ZSWIM7: variants seen among roughly 807,000 people sequenced by gnomAD.
ZSWIM7 encodes the protein zinc finger SWIM-type containing 7, also known as zinc finger SWIM domain-containing protein 7.
In ZSWIM7, 22 loss-of-function variants were observed where a neutral mutation model predicts 21.1. The ratio of observed to expected loss-of-function variants is 1.04; its 90% CI spans 0.74 to 1.49. ZSWIM7 has a LOEUF of 1.49. ZSWIM7 is among the 40% of genes most tolerant of loss of function. The pLI is 0.00. For synonymous variants in ZSWIM7, 67 were observed against 66.5 expected (o/e 1.01, Z -0.04); for missense variants, 193 against 168.0 (o/e 1.15, Z -0.82).
intron 4 of ZSWIM7, among the ~76,000 whole-genome samples, chr17:15,979,799 C>CA (rs1970330358): frequency 8.8e-6 from 1 of 113,890 alleles, no homozygotes; most frequent in African/African-American, 3.5e-5. Context: ...GGGGGGCTGA[C>CA]CCCCCCACCT....
chr17:15,985,000 T>C (rs1188861987), intron 3 of ZSWIM7, among the ~76,000 whole-genome samples: 1 of 151,906 alleles, frequency 6.6e-6, no homozygotes, highest in African/African-American at 2.4e-5. Flanking sequence ...CCTTATTAAG[T>C]GAATCAAAAA....
intron 3 of ZSWIM7, among the ~76,000 whole-genome samples, chr17:15,982,386 A>G (rs545532338): frequency 3.3e-5 from 5 of 152,342 alleles, no homozygotes; most frequent in Admixed American, 1.3e-4. Context: ...ATGAACTGCC[A>G]CTTAGGAATT....
intron 3 of ZSWIM7, among the ~76,000 whole-genome samples, chr17:15,982,182 A>C (rs551041019): frequency 6.6e-6 from 1 of 152,296 alleles, no homozygotes; most frequent in South Asian, 2.1e-4. Context: ...GGAGAGGTAC[A>C]GGAGAAACAA....
chr17:15,987,121 C>T (rs1010582648), intron 3 of ZSWIM7, 145 bp downstream of exon 3: 1 of 559,470 alleles, frequency 1.8e-6, no homozygotes, highest in Non-Finnish European at 3.0e-6. Context: ...AAAAAATTAT[C>T]AATTCGTTAA....
chr17:15,997,582 G>A (rs1970571895), intron 1 of ZSWIM7, among the ~76,000 whole-genome samples: 1 of 152,148 alleles, frequency 6.6e-6, no homozygotes, highest in Non-Finnish European at 1.5e-5. Context: ...ATAAAACTTG[G>A]AATCTTGATC....
chr17:15,979,295 A>G (rs1415279848), intron 4 of ZSWIM7, among the ~76,000 whole-genome samples: 1 of 151,946 alleles, frequency 6.6e-6, no homozygotes, highest in Non-Finnish European at 1.5e-5. Context: ...CAGAGAGCAC[A>G]GGGTTGGGGG....
chr17:15,989,321 A>T (rs1970453353), intron 2 of ZSWIM7, among the ~76,000 whole-genome samples: 2 of 146,076 alleles, frequency 1.4e-5, no homozygotes, highest in African/African-American at 2.5e-5. Flanking sequence ...TAAAAGTTTA[A>T]TTTTTTTTTT....
chr17:15,990,888 G>A (rs1970473499), intron 2 of ZSWIM7: 1 of 152,150 alleles, frequency 6.6e-6, no homozygotes, highest in African/African-American at 2.4e-5. Context: ...TTTAAGGCCA[G>A]GTGTGGTGGC....
At chr17:15,991,623 C>A (rs1271699828) in intron 2 of ZSWIM7, among the ~76,000 whole-genome samples, 2 of 152,094 alleles carry the variant, frequency 1.3e-5, no homozygotes, top group African/African-American at 4.8e-5. Context: ...ATCTTTTATT[C>A]TTTGCCCTTT....
chr17:15,991,424 TA>T (rs1384223083), intron 2 of ZSWIM7, among the ~76,000 whole-genome samples: 1 of 152,218 alleles, frequency 6.6e-6, no homozygotes, highest in African/African-American at 2.4e-5. Context: ...ATGTATGTTT[TA>T]AAGTTCCTAT....
chr17:15,994,313 A>G (rs1970523020), intron 1 of ZSWIM7, among the ~76,000 whole-genome samples: 3 of 152,218 alleles, frequency 2.0e-5, no homozygotes, highest in African/African-American at 7.2e-5. Flanking sequence ...AACAACAGCC[A>G]TGATACATTG....
intron 4 of ZSWIM7, 99 bp downstream of exon 4, chr17:15,980,939 CAT>C: frequency 1.2e-6 from 1 of 811,254 alleles, no homozygotes; most frequent in East Asian, 2.8e-5. Context: ...TTTGTTTCAA[CAT>C]ATAATAAGAT....
chr17:15,979,243 G>A (rs917841236), intron 4 of ZSWIM7, among the ~76,000 whole-genome samples: 18 of 151,664 alleles, frequency 1.2e-4, no homozygotes, highest in South Asian at 4.2e-4. Flanking sequence ...ATCTTGCACC[G>A]CCCTTAATCC....
intron 1 of ZSWIM7, among the ~76,000 whole-genome samples, chr17:15,997,432 A>G (rs1970569418): frequency 6.6e-6 from 1 of 152,232 alleles, no homozygotes; most frequent in Non-Finnish European, 1.5e-5. Context: ...AGGAATAAAT[A>G]TGTAAAAAAC....
intron 3 of ZSWIM7, among the ~76,000 whole-genome samples, chr17:15,985,747 T>G (rs1309905042): frequency 1.3e-5 from 2 of 152,230 alleles, no homozygotes; most frequent in Non-Finnish European, 2.9e-5. Flanking sequence ...GTAATTAAAC[T>G]ATTTCAAACA....
intron 4 of ZSWIM7, among the ~76,000 whole-genome samples, chr17:15,979,483 C>G (rs943505213): frequency 6.6e-6 from 1 of 152,192 alleles, no homozygotes; most frequent in Non-Finnish European, 1.5e-5. Context: ...CATCATGGCC[C>G]GCTCTCAATG....
At chr17:15,985,947 A>G (rs1215704710) in intron 3 of ZSWIM7, among the ~76,000 whole-genome samples, 2 of 152,214 alleles carry the variant, frequency 1.3e-5, no homozygotes, top group African/African-American at 2.4e-5. Flanking sequence ...AAGTTCAGTG[A>G]CTTTGATTAT....
Position 15,979,479 on chromosome 17 carries a change from G to A in ZSWIM7, c.307-1316C>T, listed in dbSNP as rs570889404. Among the ~76,000 whole-genome samples the A allele has an allele frequency of 8.1e-3, 1,230 of 152,328 alleles. 16 individuals carry two copies. The highest frequency in any genetic ancestry group is 0.028 in the African/African-American group (1,182 of 41,568). ...TCCACAAAACCGCCATTGTCATCAT[G>A]GCCCGCTCTCAATGAGCTGTTGGGT... On this transcript the variant is annotated intron_variant, in intron 4 of 4. Transcript: ENST00000399277.
intron 1 of ZSWIM7, among the ~76,000 whole-genome samples, chr17:15,998,272 T>C (rs1285602048): frequency 6.6e-6 from 1 of 152,176 alleles, no homozygotes; most frequent in Non-Finnish European, 1.5e-5. Context: ...TTTTTTCCCA[T>C]CCTTTTTGGA....
Sources: gnomAD v4.1 joint callset for allele counts (sites outside exome capture counted in the v4.1 genomes callset) on GRCh38, gnomAD v4.1.1 for gene constraint, MANE v1.5 for transcripts, NCBI Gene and HGNC (gene_info 2026-07-23, HGNC 2026-07-21) for gene names.